The following LSP1 variants were observed in gnomAD, a reference collection of about 807,000 sequenced individuals.
LSP1 encodes the protein lymphocyte specific protein 1.
In LSP1, 32 loss-of-function variants were observed where a neutral mutation model predicts 49.3. The ratio of observed to expected loss-of-function variants is 0.65; its 90% CI spans 0.49 to 0.87. The LOEUF is 0.87. LSP1 is among the 40% of genes least tolerant of loss of function. The pLI, the probability that LSP1 is intolerant of heterozygous loss-of-function variation, is 0.00. For synonymous variants in LSP1, 179 were observed against 178.8 expected, an observed-to-expected ratio of 1.00 and a Z score of -0.01; for missense variants, 428 against 442.6, an observed-to-expected ratio of 0.97 and a Z score of 0.30.
intron 1 of LSP1, among the ~76,000 whole-genome samples, chr11:1,877,440 G>A (rs560684589): frequency 6.6e-6 from 1 of 152,294 alleles, no homozygotes; most frequent in East Asian, 1.9e-4. Flanking sequence ...CCCCTACTCT[G>A]TCCCCCAGGC....
chr11:1,884,336 G>A lies in LSP1; in HGVS notation c.635+13G>A. 1 of 1,614,066 alleles carries A rather than the reference G, an allele frequency of 6.2e-7. No individual in the cohort carries two copies. The highest frequency in any genetic ancestry group is 1.7e-5 in the Admixed American group (1 of 60,014). On this transcript the variant is annotated intron_variant, in intron 6 of 10. Transcript: ENST00000311604. This position sits in a 1 kb window ranked among gnomAD's most constrained non-coding sequence, Gnocchi z 4.1. ...CCATAGAGAAGAGGTCTGTCTGTCTGTCTGTCTGCTTTCTGGGCTCAGATC... is the reference window on the plus strand; with the variant it reads ...CCATAGAGAAGAGGTCTGTCTGTCTATCTGTCTGCTTTCTGGGCTCAGATC...
chr11:1,884,172 C>G lies in LSP1; in HGVS notation c.592-108C>G. The G allele has an allele frequency of 6.8e-7, 1 of 1,473,162 alleles. No homozygotes were observed. The highest frequency in any genetic ancestry group is 9.5e-7 in the Non-Finnish European group (1 of 1,053,210). 91.3% of individuals were successfully genotyped at this position (1,473,162 alleles called of 1,614,324 possible). Reference sequence around the variant, plus strand: ...CATTGCCCGGTGCTCAGCGAACCCCCATGATATAAGGGTTGGGGGTTGGAT... The same window carrying G: ...CATTGCCCGGTGCTCAGCGAACCCCGATGATATAAGGGTTGGGGGTTGGAT... On this transcript the variant is annotated intron_variant, in intron 5 of 10. Coordinates refer to ENST00000311604, the MANE Select transcript of LSP1 (RefSeq NM_002339.3). The surrounding 1 kb of genome is among the most constrained non-coding windows in gnomAD (Gnocchi z 4.1).
At chr11:1,870,207 A>G (rs766957218) in intron 1 of LSP1, 34 of 1,158,178 alleles carry the variant, frequency 2.9e-5, no homozygotes, top group Non-Finnish European at 3.9e-5. Flanking sequence ...TCCCAAGGCC[A>G]TGTGAGTCTC....
In LSP1 at chr11:1,880,281, C is replaced by T. The variant is rs1272472281; in HGVS notation, c.191+57C>T. 5.4e-6 allele frequency: 8 copies of T among 1,481,492 alleles called. No individual in the cohort carries two copies. The African/African-American group carries it at 8.6e-5, about 16-fold the overall frequency. 91.8% of individuals were successfully genotyped at this position (1,481,492 alleles called of 1,614,324 possible). ...TAGCCCCTATCCGTGTACCCTGGGG[C>T]CTGGGCAGAGGGGGAGGTCAAGGGC... On this transcript the variant is annotated intron_variant, in intron 2 of 10. Coordinates refer to ENST00000311604, the MANE Select transcript of LSP1 (RefSeq NM_002339.3).
chr11:1,866,965 C>T, intron 1 of LSP1: 1 of 1,440,392 alleles, frequency 6.9e-7, no homozygotes, highest in Non-Finnish European at 9.2e-7. Context: ...AGGCTCGGGG[C>T]CAGTCCCTGT....
At chr11:1,877,452 C>A (rs1848359262) in intron 1 of LSP1, among the ~76,000 whole-genome samples, 1 of 152,174 alleles carries the variant, frequency 6.6e-6, no homozygotes, top group South Asian at 2.1e-4. Flanking sequence ...CCCCCAGGCC[C>A]CTAGCCAGGG....
intron 1 of LSP1, among the ~76,000 whole-genome samples, chr11:1,865,983 T>C (rs1282941796): frequency 6.6e-6 from 1 of 152,032 alleles, no homozygotes; most frequent in Non-Finnish European, 1.5e-5. Flanking sequence ...CCCAGCCTGT[T>C]TCTTCCTCTG....
intron 1 of LSP1, chr11:1,868,579 GC>G (rs1847872133): frequency 2.2e-6 from 2 of 906,212 alleles, no homozygotes; most frequent in East Asian, 2.3e-4. Flanking sequence ...GCTGGGGGAA[GC>G]CAGGCCTCCA....
intron 1 of LSP1, among the ~76,000 whole-genome samples, chr11:1,877,538 G>A (rs1294749462): frequency 1.3e-5 from 2 of 152,194 alleles, no homozygotes; most frequent in Non-Finnish European, 2.9e-5. Flanking sequence ...CCTGGGCCTC[G>A]TGCCAGGGCC....
chr11:1,887,649 G>C, intron 10 of LSP1, 73 bp downstream of exon 10: 1 of 1,230,824 alleles, frequency 8.1e-7, no homozygotes, highest in Non-Finnish European at 1.2e-6. Flanking sequence ...TGGCAACCTG[G>C]AGGCTGCCTG....
intron 1 of LSP1, chr11:1,864,034 A>T: frequency 4.4e-6 from 1 of 228,948 alleles, no homozygotes. Flanking sequence ...GAAAGTGGAG[A>T]ACCAGGAGCG....
At chr11:1,867,845 G>GTGA (rs1380871538) in intron 1 of LSP1, among the ~76,000 whole-genome samples, 13 of 112,648 alleles carry the variant, frequency 1.2e-4, no homozygotes, top group Non-Finnish European at 2.1e-4. Flanking sequence ...CCCTGCCCCA[G>GTGA]CGATTCTCCT....
rs869444 is a variant in LSP1, at chr11:1,889,405, C to G, written c.*13+1829C>G. 9.8e-4 allele frequency: 672 copies of G among 685,074 alleles called. 3 individuals carry two copies. The highest frequency in any genetic ancestry group is 8.7e-4 in the Non-Finnish European group (320 of 368,336). 42.4% of individuals were successfully genotyped at this position (685,074 alleles called of 1,614,324 possible). A position where few individuals can be genotyped will look rare whatever the true frequency, so the allele number is the denominator to read the frequency against. On this transcript the variant is annotated intron_variant, in intron 10 of 10. Coordinates refer to ENST00000311604, the MANE Select transcript of LSP1 (RefSeq NM_002339.3). ...TCCCACATCCTGGAGGTCCGGGAGG[C>G]GGGGGCCCGGGGTGCGGTGAGGGCG...
At chr11:1,868,385 G>C (rs914731840) in intron 1 of LSP1, among the ~76,000 whole-genome samples, 1 of 152,196 alleles carries the variant, frequency 6.6e-6, no homozygotes, top group Admixed American at 6.5e-5. Context: ...CCTCCATCTC[G>C]GGCACACATC....
chr11:1,870,824 A>T lies in LSP1; in HGVS notation c.54-9263A>T, dbSNP rs1847966078. The T allele has an allele frequency of 7.1e-6, 7 of 987,624 alleles. No individual in the cohort carries two copies. In the South Asian group the frequency reaches 1.4e-4, roughly 20 times the overall value. 61.2% of individuals were successfully genotyped at this position (987,624 alleles called of 1,614,324 possible). ...GCAGAGCCTCGAGCCGTTGCCAGGGACTGGTTGCGTGTCCCAGAACGTGCC... is the reference window on the plus strand; with the variant it reads ...GCAGAGCCTCGAGCCGTTGCCAGGGTCTGGTTGCGTGTCCCAGAACGTGCC... On this transcript the variant is annotated intron_variant, in intron 1 of 10. Transcript: ENST00000311604.
At chr11:1,859,745 C>T in intron 1 of LSP1, among the ~76,000 whole-genome samples, 1 of 151,558 alleles carries the variant, frequency 6.6e-6, no homozygotes, top group East Asian at 1.9e-4. Flanking sequence ...ACCACCCTGC[C>T]CCCTACCCGT....
At chr11:1,890,023 A>T (rs577152160) in intron 10 of LSP1, 11 of 681,820 alleles carry the variant, frequency 1.6e-5, no homozygotes, top group Non-Finnish European at 2.7e-5. Flanking sequence ...TTGTGTGGGG[A>T]TGGTGCCAGC....
rs1848696234 is a variant in LSP1, at chr11:1,884,956, C to A, written c.717+375C>A. On this transcript the variant is annotated intron_variant, in intron 7 of 10. Transcript: ENST00000311604. The surrounding 1 kb of genome is among the most constrained non-coding windows in gnomAD (Gnocchi z 4.1). Reference sequence around the variant, plus strand: ...CCCCCTCGGAACAGTACTCCACCACCCAATCAATGCTCTTTCATCCTATCA... The same window carrying A: ...CCCCCTCGGAACAGTACTCCACCACACAATCAATGCTCTTTCATCCTATCA... 1.3e-5 allele frequency among the ~76,000 whole-genome samples: 2 copies of A among 151,982 alleles called. No individual in the cohort carries two copies. The highest frequency in any genetic ancestry group is 4.8e-5 in the African/African-American group (2 of 41,358).
intron 1 of LSP1, among the ~76,000 whole-genome samples, chr11:1,873,227 C>T (rs1168410919): frequency 6.6e-6 from 1 of 151,930 alleles, no homozygotes; most frequent in African/African-American, 2.4e-5. Context: ...GCTGTGCCTC[C>T]CTGGGGACCG....
Sources: gnomAD v4.1 joint callset for allele counts (sites outside exome capture counted in the v4.1 genomes callset) on GRCh38, gnomAD v4.1.1 for gene constraint, Gnocchi (gnomAD v3.1) non-coding constraint, MANE v1.5 for transcripts, NCBI Gene and HGNC (gene_info 2026-07-23, HGNC 2026-07-21) for gene names.